The following MBNL1 variants were observed in gnomAD, a reference collection of about 807,000 sequenced individuals.
MBNL1 encodes muscleblind like splicing regulator 1, also known as muscleblind-like protein 1.
MBNL1 carries 8 observed loss-of-function variants against 42.2 expected under a neutral mutation model. That is an observed-to-expected ratio of 0.19 (90% CI 0.11 to 0.34). The LOEUF (loss-of-function observed/expected upper bound fraction) is 0.34, where lower values mean the gene tolerates loss of function less well. Ranked by LOEUF, MBNL1 falls within the 10% of genes least tolerant of loss-of-function variation. The probability of loss-of-function intolerance (pLI) is 1.00; values close to 1 mark genes in which losing one functional copy is unlikely to be tolerated. For missense variants in MBNL1, 309 were observed against 495.3 expected (o/e 0.62, Z 3.57); for synonymous variants, 169 against 173.9 (o/e 0.97, Z 0.22).
intron 1 of MBNL1, among the ~76,000 whole-genome samples, chr3:152,294,433 G>A (rs946736649): frequency 2.0e-5 from 3 of 151,632 alleles, no homozygotes; most frequent in Non-Finnish European, 4.4e-5. Context: ...ACAGGTGCCC[G>A]CCACTATGCC....
chr3:152,409,547 G>A, intron 2 of MBNL1, among the ~76,000 whole-genome samples: 1 of 151,680 alleles, frequency 6.6e-6, no homozygotes. Flanking sequence ...TCTGAGCAAT[G>A]AATACCCAGA....
intron 2 of MBNL1, among the ~76,000 whole-genome samples, chr3:152,408,880 C>A (rs139358537): frequency 6.6e-6 from 1 of 152,210 alleles, no homozygotes; most frequent in Admixed American, 6.5e-5. Context: ...AAACATAGTA[C>A]AATGCACAGG....
At chr3:152,386,866 G>A (rs762433635) in intron 2 of MBNL1, among the ~76,000 whole-genome samples, 4 of 152,128 alleles carry the variant, frequency 2.6e-5, no homozygotes, top group Non-Finnish European at 4.4e-5. Flanking sequence ...GACTTTAATA[G>A]TATAGGTTGA....
At chr3:152,256,886 AGT>A (rs2035514042) in intron 2 of MBNL1, among the ~76,000 whole-genome samples, 2 of 152,006 alleles carry the variant, frequency 1.3e-5, no homozygotes, top group African/African-American at 4.8e-5. Context: ...CCTTGGACTG[AGT>A]GTGTACTAGA....
At chr3:152,262,294 C>T (rs2036427531) in intron 2 of MBNL1, among the ~76,000 whole-genome samples, 1 of 152,164 alleles carries the variant, frequency 6.6e-6, no homozygotes, top group Non-Finnish European at 1.5e-5. Flanking sequence ...ATATATGAAA[C>T]TCCCACCATT....
intron 4 of MBNL1, among the ~76,000 whole-genome samples, chr3:152,435,847 A>G (rs926300355): frequency 4.6e-5 from 7 of 152,026 alleles, no homozygotes; most frequent in Admixed American, 3.9e-4. Flanking sequence ...CTCGGCTTGG[A>G]TGTTGCTGGT....
At chr3:152,363,006 T>C (rs1261266866) in intron 2 of MBNL1, among the ~76,000 whole-genome samples, 1 of 152,054 alleles carries the variant, frequency 6.6e-6, no homozygotes, top group Non-Finnish European at 1.5e-5. Flanking sequence ...AAAATTAAGA[T>C]AGGCAGGAAA....
intron 1 of MBNL1, among the ~76,000 whole-genome samples, chr3:152,271,748 G>A (rs1576918975): frequency 6.6e-6 from 1 of 152,134 alleles, no homozygotes; most frequent in African/African-American, 2.4e-5. Context: ...TAGAGAATGT[G>A]ACATAGAAAG....
intron 4 of MBNL1, among the ~76,000 whole-genome samples, chr3:152,444,405 C>T (rs2099190449): frequency 6.6e-6 from 1 of 152,090 alleles, no homozygotes; most frequent in Non-Finnish European, 1.5e-5. Flanking sequence ...TCTTTTTTTA[C>T]TGCTTTATAT....
intron 4 of MBNL1, among the ~76,000 whole-genome samples, chr3:152,443,603 T>A (rs995358276): frequency 1.2e-4 from 18 of 152,010 alleles, no homozygotes; most frequent in African/African-American, 4.3e-4. Flanking sequence ...CTGGGTACTG[T>A]TTTAGCAAGC....
chr3:152,461,634 A>C (rs113837770), intron 9 of MBNL1, among the ~76,000 whole-genome samples: 4 of 152,194 alleles, frequency 2.6e-5, no homozygotes, highest in African/African-American at 9.7e-5. Flanking sequence ...AGGAGTTGCA[A>C]CATTTAAACT....
rs371521539 is a variant in MBNL1, at chr3:152,432,693, T to G, written c.346-24T>G. The G allele has an allele frequency of 2.1e-5, 33 of 1,608,992 alleles. No homozygotes were observed. The African/African-American group carries it at 4.3e-4, about 21-fold the overall frequency. On this transcript the variant is annotated intron_variant, in intron 3 of 9. Transcript: ENST00000324210. ...TTTGAGCTGAGACCTGCATGTTAAA[T>G]TTTGCTTTTATTTTATTTTTCAGCC...
chr3:152,295,551 G>A (rs1273108275), intron 1 of MBNL1, among the ~76,000 whole-genome samples: 2 of 152,148 alleles, frequency 1.3e-5, no homozygotes, highest in Admixed American at 6.5e-5. Context: ...GATCTGTTAT[G>A]TTCCAAGAAC....
chr3:152,318,328 G>A (rs553208626), intron 2 of MBNL1, among the ~76,000 whole-genome samples: 238 of 152,172 alleles, frequency 1.6e-3, no homozygotes, highest in African/African-American at 5.5e-3. Context: ...AACTTAAAAC[G>A]GATACTGCTT....
chr3:152,250,460 C>A (rs2034320925), intron 2 of MBNL1, among the ~76,000 whole-genome samples: 1 of 151,876 alleles, frequency 6.6e-6, no homozygotes, highest in Admixed American at 6.6e-5. Flanking sequence ...GATTTTTGTG[C>A]ATTGATTTTG....
intron 2 of MBNL1, among the ~76,000 whole-genome samples, chr3:152,303,805 A>AT (rs1687919593): frequency 6.6e-6 from 1 of 152,126 alleles, no homozygotes; most frequent in African/African-American, 2.4e-5. Flanking sequence ...ATACCCATTC[A>AT]TTTTTCAGGT....
At chr3:152,327,176 G>T (rs561166590) in intron 2 of MBNL1, among the ~76,000 whole-genome samples, 2 of 151,968 alleles carry the variant, frequency 1.3e-5, no homozygotes, top group East Asian at 3.9e-4. Context: ...TTGTTCCTAT[G>T]GTAATATTAT....
At chr3:152,296,710 G>T (rs1029517997) in intron 1 of MBNL1, among the ~76,000 whole-genome samples, 1 of 149,586 alleles carries the variant, frequency 6.7e-6, no homozygotes, top group African/African-American at 2.4e-5. Flanking sequence ...GTTTTCAAAT[G>T]TATGTTTCAG....
chr3:152,377,439 C>T (rs2096958698), intron 2 of MBNL1, among the ~76,000 whole-genome samples: 1 of 152,036 alleles, frequency 6.6e-6, no homozygotes, highest in Non-Finnish European at 1.5e-5. Context: ...AGCCATAGAC[C>T]GTTAGTAAAT....
Sources: gnomAD v4.1 joint callset for allele counts (sites outside exome capture counted in the v4.1 genomes callset) on GRCh38, gnomAD v4.1.1 for gene constraint, MANE v1.5 for transcripts, NCBI Gene and HGNC (gene_info 2026-07-23, HGNC 2026-07-21) for gene names.